BANK1: variants seen among roughly 807,000 people sequenced by gnomAD.
The protein encoded by BANK1 is B-cell scaffold protein with ankyrin repeats.
Under a neutral mutation model 94.5 loss-of-function variants are expected in BANK1, and 95 were observed. The observed-to-expected ratio is 1.00, with a 90% CI of 0.85 to 1.19. The LOEUF is 1.19. BANK1 is among the 50% of genes most tolerant of loss of function. The probability of loss-of-function intolerance (pLI) is 0.00; values close to 1 mark genes in which losing one functional copy is unlikely to be tolerated. For synonymous variants in BANK1, 334 were observed against 308.4 expected, an observed-to-expected ratio of 1.08 and a Z score of -0.87; for missense variants, 987 against 932.2, an observed-to-expected ratio of 1.06 and a Z score of -0.77.
intron 5 of BANK1, among the ~76,000 whole-genome samples, chr4:101,884,593 A>G (rs1728782215): frequency 6.6e-6 from 1 of 152,052 alleles, no homozygotes; most frequent in Non-Finnish European, 1.5e-5. Flanking sequence ...TTTAAACCCC[A>G]TTTTTTCAGT....
chr4:101,930,840 C>T (rs1024423700), intron 7 of BANK1, among the ~76,000 whole-genome samples: 2 of 151,438 alleles, frequency 1.3e-5, no homozygotes, highest in Non-Finnish European at 3.0e-5. Flanking sequence ...CACACTTAAC[C>T]ATTTTTAGTA....
intron 11 of BANK1, among the ~76,000 whole-genome samples, chr4:102,057,446 T>C (rs1322424737): frequency 6.6e-6 from 1 of 151,742 alleles, no homozygotes; most frequent in Admixed American, 6.6e-5. Context: ...GCAGCCTTGA[T>C]CTTCCAGGCT....
At chr4:101,808,057 A>T (rs1225512589) in intron 1 of BANK1, among the ~76,000 whole-genome samples, 1 of 151,270 alleles carries the variant, frequency 6.6e-6, no homozygotes, top group Admixed American at 6.6e-5. Context: ...ACTGCACTCC[A>T]GCCGGGGTGA....
At chr4:101,828,898 T>C (rs1726490178) in intron 1 of BANK1, among the ~76,000 whole-genome samples, 1 of 152,042 alleles carries the variant, frequency 6.6e-6, no homozygotes, top group Non-Finnish European at 1.5e-5. Context: ...AGTCTCACTC[T>C]GTTGCCCAGG....
intron 7 of BANK1, among the ~76,000 whole-genome samples, chr4:102,007,057 A>AATATATAATTTTATATATATATAAAT (rs1726286138): frequency 1.7e-5 from 2 of 117,816 alleles, no homozygotes; most frequent in African/African-American, 6.6e-5. Context: ...ATATATATAA[A>AATATATAATTTTATATATATATAAAT]ATATATAATT....
At chr4:101,850,380 T>C (rs1405872494) in intron 2 of BANK1, among the ~76,000 whole-genome samples, 1 of 152,106 alleles carries the variant, frequency 6.6e-6, no homozygotes, top group African/African-American at 2.4e-5. Flanking sequence ...CAAGCAATTC[T>C]CCTGTCTCAG....
In BANK1 at chr4:102,002,951, T is replaced by C. The variant is rs1726128170; in HGVS notation, c.1207-18563T>C. ...ACCATGCCCAGCTAATTTTGGTATTTTATGTAGAGATGGGGGCCACACTGG... is the reference window on the plus strand; with the variant it reads ...ACCATGCCCAGCTAATTTTGGTATTCTATGTAGAGATGGGGGCCACACTGG... On this transcript the variant is annotated intron_variant, in intron 7 of 16. Coordinates refer to ENST00000322953, the MANE Select transcript of BANK1 (RefSeq NM_017935.5). 2.6e-5 allele frequency among the ~76,000 whole-genome samples: 4 copies of C among 152,092 alleles called. No homozygotes were observed. The South Asian group carries it at 8.3e-4, about 32-fold the overall frequency.
chr4:101,924,428 T>C (rs1723090902), intron 7 of BANK1, among the ~76,000 whole-genome samples: 1 of 151,800 alleles, frequency 6.6e-6, no homozygotes. Context: ...AGAATAGCAA[T>C]CAGTGTCTGT....
chr4:101,870,070 C>T (rs1728227139), intron 4 of BANK1, among the ~76,000 whole-genome samples: 1 of 149,338 alleles, frequency 6.7e-6, no homozygotes, highest in African/African-American at 2.5e-5. Context: ...ATCAGCTGTA[C>T]TCTTTCAAAT....
chr4:101,857,709 A>T (rs1207881792), intron 3 of BANK1, among the ~76,000 whole-genome samples: 1 of 152,092 alleles, frequency 6.6e-6, no homozygotes, highest in Non-Finnish European at 1.5e-5. Context: ...TATTTCTTTA[A>T]CTTTTTTTCC....
intron 3 of BANK1, among the ~76,000 whole-genome samples, chr4:101,855,512 G>A (rs1727648757): frequency 6.6e-6 from 1 of 152,182 alleles, no homozygotes; most frequent in Non-Finnish European, 1.5e-5. Flanking sequence ...CACACTGGAT[G>A]ATAGTTGAAT....
At chr4:101,791,635 T>A (rs929336805) in intron 1 of BANK1, among the ~76,000 whole-genome samples, 2 of 152,248 alleles carry the variant, frequency 1.3e-5, no homozygotes, top group African/African-American at 4.8e-5. Flanking sequence ...TTTTTTAAAT[T>A]AAAAAACTTC....
In BANK1 at chr4:101,851,749, G is replaced by A. The variant is rs138574221; in HGVS notation, c.470-3286G>A. ...TCTTTCTCTGTTGTCTTTGGGAAGG[G>A]TGGTAAGTGCAGGTTCCATTCTGTT... On this transcript the variant is annotated intron_variant, in intron 2 of 16. Coordinates refer to ENST00000322953, the MANE Select transcript of BANK1 (RefSeq NM_017935.5). 2.8e-4 allele frequency among the ~76,000 whole-genome samples: 43 copies of A among 152,248 alleles called. 1 individual carries two copies. The East Asian group carries it at 8.1e-3, about 29-fold the overall frequency.
intron 4 of BANK1, among the ~76,000 whole-genome samples, chr4:101,863,104 A>T (rs1285485880): frequency 6.6e-6 from 1 of 151,144 alleles, no homozygotes; most frequent in Non-Finnish European, 1.5e-5. Context: ...ATTTTTTCCC[A>T]TTATTTTATC....
intron 1 of BANK1, among the ~76,000 whole-genome samples, chr4:101,794,315 T>A (rs973947324): frequency 2.0e-5 from 3 of 152,094 alleles, no homozygotes; most frequent in African/African-American, 7.2e-5. Flanking sequence ...AGAATCTATT[T>A]TACCAAAATA....
At chr4:101,874,750 A>G (rs142373383) in intron 5 of BANK1, among the ~76,000 whole-genome samples, 1 of 152,252 alleles carries the variant, frequency 6.6e-6, no homozygotes, top group East Asian at 1.9e-4. Flanking sequence ...TTTAGAGCAT[A>G]TTATGCTCTT....
chr4:101,833,982 A>T (rs1726724326), intron 2 of BANK1, among the ~76,000 whole-genome samples: 1 of 152,180 alleles, frequency 6.6e-6, no homozygotes, highest in Non-Finnish European at 1.5e-5. Context: ...AAGTAAGTTT[A>T]TGCTACTCTT....
At chr4:102,057,383 G>A (rs1728267329) in intron 11 of BANK1, among the ~76,000 whole-genome samples, 1 of 79,396 alleles carries the variant, frequency 1.3e-5, no homozygotes, top group Admixed American at 1.3e-4. Context: ...TTTTTCTTAA[G>A]CAAGGTCTGC....
intron 10 of BANK1, chr4:102,032,302 T>C (rs1453344956): frequency 1.3e-5 from 2 of 152,236 alleles, no homozygotes; most frequent in African/African-American, 4.8e-5. Flanking sequence ...TATCTTCCCA[T>C]CCTTCTATTG....
Sources: gnomAD v4.1 joint callset for allele counts (sites outside exome capture counted in the v4.1 genomes callset) on GRCh38, gnomAD v4.1.1 for gene constraint, MANE v1.5 for transcripts, NCBI Gene and HGNC (gene_info 2026-07-23, HGNC 2026-07-21) for gene names.